Variants in LDHD observed in about 807,000 individuals in gnomAD.
LDHD encodes lactate dehydrogenase D.
A neutral mutation model predicts 52.9 loss-of-function variants in LDHD; 58 were observed. That is an observed-to-expected ratio of 1.10 (90% CI 0.89 to 1.36). The LOEUF is 1.36. Among genes scored for constraint, LDHD ranks in the 40% most tolerant of loss-of-function variants. The pLI is 0.00. For missense variants in LDHD, 747 were observed against 668.0 expected, an observed-to-expected ratio of 1.12 and a Z score of -1.30; for synonymous variants, 350 against 288.6, an observed-to-expected ratio of 1.21 and a Z score of -2.16.
Position 75,112,707 on chromosome 16 carries a change from A to C in LDHD, c.1184T>G (p.Ile395Ser). ...DLNASGLTGS[I>S]VGHVGDGNFH... is the part of the protein sequence containing the mutation. ...GTTGCCGTCACCCACATGCCCGACA[A>C]TGCTTCCTGGGGGCCCAGAGGACAG... Residue 395 changes from isoleucine (I) to serine (S), a missense_variant, in exon 10 of 11, where the codon ATT becomes AGT. By Grantham distance (142) the Ile-to-Ser change is moderately radical. Coordinates refer to ENST00000450168, the MANE Select transcript of LDHD (RefSeq NM_194436.3). The C allele has an allele frequency of 6.2e-7, 1 of 1,613,680 alleles. No homozygotes were observed. The highest frequency in any genetic ancestry group is 8.5e-7 in the Non-Finnish European group (1 of 1,179,732).
rs777321282 is a variant in LDHD at position 75,112,876 on chromosome 16, C to G, written c.1135G>C (p.Val379Leu). 1 of 1,613,366 alleles carries G rather than the reference C, an allele frequency of 6.2e-7. No homozygotes were observed. Among genetic ancestry groups the G allele is most frequent in the Non-Finnish European group, 8.5e-7 (1 of 1,179,966 alleles). The change falls in exon 9 of 11, where the codon GTG (valine) becomes CTG (leucine). Residue 379 changes from valine to leucine, a missense_variant. Coordinates refer to ENST00000450168, the MANE Select transcript of LDHD (RefSeq NM_194436.3). ...TTCAGATCCTCCTTGGTCTGCACCACGATCTCCGGCAGCCGGGAGATGGGC... is the reference window on the plus strand; with the variant it reads ...TTCAGATCCTCCTTGGTCTGCACCAGGATCTCCGGCAGCCGGGAGATGGGC... ...CVPISRLPEI[V>L]VQTKEDLNAS...
At chr16:75,112,956 G>A (rs972920505) in intron 8 of LDHD, 32 bp from the exon 9 acceptor site, 3 of 1,530,980 alleles carry the variant, frequency 2.0e-6, no homozygotes, top group Non-Finnish European at 2.7e-6. Flanking sequence ...AGTTACCCCT[G>A]CCTGATTGGG....
chr16:75,112,926 T>C lies in LDHD; in HGVS notation c.1087-2A>G. The C allele has an allele frequency of 6.2e-7, 1 of 1,609,114 alleles. No individual in the cohort carries two copies. The highest frequency in any genetic ancestry group is 8.5e-7 in the Non-Finnish European group (1 of 1,178,724). ...CACACACACATCCGTGGAGTAGCCC[T>C]GGTCAGAGGGAAGCCTATGAGTTAC... On this transcript the variant is annotated splice_acceptor_variant, in intron 8 of 10. Coordinates refer to ENST00000450168, the MANE Select transcript of LDHD (RefSeq NM_194436.3). LOFTEE classifies it high-confidence loss of function.
At chr16:75,113,128 C>T (rs2036446961) in intron 8 of LDHD, among the ~76,000 whole-genome samples, 1 of 152,166 alleles carries the variant, frequency 6.6e-6, no homozygotes. Context: ...GCTTGCCACA[C>T]CTCCCCTGTG....
rs775596639 is a variant in LDHD at position 75,115,248 on chromosome 16, T to C, written c.277A>G (p.Ile93Val). Residue 93 changes from isoleucine to valine, a missense_variant, in exon 3 of 11, where the codon ATC (isoleucine) becomes GTC (valine). Coordinates refer to ENST00000450168, the MANE Select transcript of LDHD (RefSeq NM_194436.3). ...ALCYRQGVPI[I>V]PFGTGTGLEG... ...AGCCCGGTGCCGGTGCCGAATGGGA[T>C]GATGGGCACACCTTGGCGATAGCAC... is the stretch of plus-strand genomic sequence containing the variant. 1 of 1,613,344 alleles carries C rather than the reference T, an allele frequency of 6.2e-7. No individual in the cohort carries two copies. The highest frequency in any genetic ancestry group is 8.5e-7 in the Non-Finnish European group (1 of 1,180,002).
At chr16:75,113,131 C>T (rs2036447038) in intron 8 of LDHD, among the ~76,000 whole-genome samples, 1 of 152,128 alleles carries the variant, frequency 6.6e-6, no homozygotes, top group South Asian at 2.1e-4. Flanking sequence ...TGCCACACCT[C>T]CCCTGTGGCT....
At chr16:75,114,289 G>A in intron 5 of LDHD, 124 bp from the exon 6 acceptor site, 3 of 1,534,332 alleles carry the variant, frequency 2.0e-6, no homozygotes, top group African/African-American at 1.4e-5. Flanking sequence ...CCTCCCTCGG[G>A]CCCAGTTTCC....
rs756630008 is a variant in LDHD, at chr16:75,116,597, C to T, written c.72+52G>A. On this transcript the variant is annotated intron_variant, in intron 1 of 10. Transcript: ENST00000450168. The stretch of plus-strand genomic sequence containing the variant: ...GGAAACTTGGGATCAGAACCCCCTG[C>T]TCCCCGCTCCCCACCTCATCCCTCC... 14 of 1,470,002 alleles carry T rather than the reference C, an allele frequency of 9.5e-6. No individual in the cohort carries two copies. The East Asian group carries it at 1.6e-4, about 17-fold the overall frequency. 91.1% of individuals were successfully genotyped at this position (1,470,002 alleles called of 1,614,324 possible).
In LDHD at chr16:75,112,609, G is replaced by A. The variant is rs767285234; in HGVS notation, c.1282C>T (p.Leu428=). 6.2e-7 allele frequency: 1 copy of A among 1,614,064 alleles called. No homozygotes were observed. Among genetic ancestry groups the A allele is most frequent in the Non-Finnish European group, 8.5e-7 (1 of 1,179,996 alleles). ...LGRVKAFAEQ[L]GRRALALHGT... ...CCCTGGCTTTGCTCCTACCTGCCCAGCTGTTCTGCAAAAGCCTTGACCCTG... is the reference window on the plus strand; with the variant it reads ...CCCTGGCTTTGCTCCTACCTGCCCAACTGTTCTGCAAAAGCCTTGACCCTG... Residue 428 remains leucine (L), a synonymous_variant, in exon 10 of 11, where the codon CTG becomes TTG. Coordinates refer to ENST00000450168, the MANE Select transcript of LDHD (RefSeq NM_194436.3).
chr16:75,113,954 T>G lies in LDHD; in HGVS notation c.829+12A>C, dbSNP rs1429287037. The stretch of plus-strand genomic sequence containing the variant: ...AGGGAGCCCACCCTGACTGCCCCCA[T>G]CCTCAGCTCACCAATGCGGGCTACG... On this transcript the variant is annotated intron_variant, in intron 6 of 10. Coordinates refer to ENST00000450168, the MANE Select transcript of LDHD (RefSeq NM_194436.3). The G allele has an allele frequency of 1.2e-6, 2 of 1,603,252 alleles. No homozygotes were observed. Among genetic ancestry groups the G allele is most frequent in the East Asian group, 4.5e-5 (2 of 44,694 alleles).
At position 75,112,095 on chromosome 16, in the gene LDHD, C is replaced by T; in HGVS notation, c.*261G>A. 2 of 463,252 alleles carry T rather than the reference C, an allele frequency of 4.3e-6. No individual in the cohort carries two copies. The highest frequency in any genetic ancestry group is 6.9e-5 in the East Asian group (2 of 29,180). The allele number at this position is 463,252 out of a possible 1,614,324, so 28.7% of individuals were successfully genotyped here. A position where few individuals can be genotyped will look rare whatever the true frequency, so the allele number is the denominator to read the frequency against. ...CCCGCCAGGACAGGATGCGTAGGAGCAGAGAGGAAGCAGCTTTGCTGGGAA... is the reference window on the plus strand; with the variant it reads ...CCCGCCAGGACAGGATGCGTAGGAGTAGAGAGGAAGCAGCTTTGCTGGGAA... On this transcript the variant is annotated 3_prime_UTR_variant, in exon 11 of 11. Coordinates refer to ENST00000450168, the MANE Select transcript of LDHD (RefSeq NM_194436.3).
rs1367385713 is a variant in LDHD, at chr16:75,116,472, G to C, written c.72+177C>G. 1.3e-5 allele frequency: 7 copies of C among 547,450 alleles called. No homozygotes were observed. In the East Asian group the frequency reaches 2.4e-4, roughly 19 times the overall value. 33.9% of individuals were successfully genotyped at this position (547,450 alleles called of 1,614,324 possible). ...CACTCATGGTAGCAGTGGGGACTCAGCTGATCTCACTCTACACCCACCCAC... is the reference window on the plus strand; with the variant it reads ...CACTCATGGTAGCAGTGGGGACTCACCTGATCTCACTCTACACCCACCCAC... On this transcript the variant is annotated intron_variant, in intron 1 of 10. Transcript: ENST00000450168.
Position 75,112,885 on chromosome 16 carries a change from G to A in LDHD, c.1126C>T (p.Pro376Ser), listed in dbSNP as rs773363177. 5.6e-6 allele frequency: 9 copies of A among 1,612,908 alleles called. No homozygotes were observed. The Admixed American group carries it at 1.5e-4, about 27-fold the overall frequency. Residue 376 changes from proline (P) to serine (S), a missense_variant, in exon 9 of 11, where the codon CCG becomes TCG. By Grantham distance (74) the Pro-to-Ser change is moderately conservative (BLOSUM62 -1). Transcript: ENST00000450168. ...TCCTTGGTCTGCACCACGATCTCCG[G>A]CAGCCGGGAGATGGGCACACACACA... ...TDVCVPISRL[P>S]EIVVQTKEDL...
chr16:75,115,736 A>C (rs947530074), intron 1 of LDHD, 76 bp from the exon 2 acceptor site: 14 of 941,738 alleles, frequency 1.5e-5, no homozygotes, highest in African/African-American at 3.3e-5. Flanking sequence ...TGTCGGGGGG[A>C]GGGCTGGGGG....
chr16:75,114,912 C>G lies in LDHD; in HGVS notation c.384G>C (p.Glu128Asp), dbSNP rs998980799. 1.2e-6 allele frequency: 2 copies of G among 1,614,064 alleles called. No homozygotes were observed. Among genetic ancestry groups the G allele is most frequent in the South Asian group, 1.1e-5 (1 of 91,084 alleles). ...HMDRILELNQ[E>D]DFSVVVEPGV... ...CTGGCTCCACCACCACAGAGAAGTC[C>G]TCCTGGTTCAGCTCCAGGATTCGGT... is the stretch of plus-strand genomic sequence containing the variant. Residue 128 changes from glutamate to aspartate, a missense_variant, in exon 4 of 11, where the codon GAG becomes GAC. Transcript: ENST00000450168.
chr16:75,116,755 T>A lies in LDHD; in HGVS notation c.-35A>T. ...CTGGCCAGAGGGTGTGAGCACTGGGTGGCAGGGTGACCAGTCAGCTACTGT... is the reference window on the plus strand; with the variant it reads ...CTGGCCAGAGGGTGTGAGCACTGGGAGGCAGGGTGACCAGTCAGCTACTGT... On this transcript the variant is annotated 5_prime_UTR_variant, in exon 1 of 11. Coordinates refer to ENST00000450168, the MANE Select transcript of LDHD (RefSeq NM_194436.3). 1 of 1,447,482 alleles carries A rather than the reference T, an allele frequency of 6.9e-7. No individual in the cohort carries two copies. The highest frequency in any genetic ancestry group is 9.4e-7 in the Non-Finnish European group (1 of 1,069,440). 89.7% of individuals were successfully genotyped at this position (1,447,482 alleles called of 1,614,324 possible). A position where few individuals can be genotyped will look rare whatever the true frequency, so the allele number is the denominator to read the frequency against.
rs201516987 is a variant in LDHD at position 75,112,664 on chromosome 16, C to G, written c.1227G>C (p.Leu409=). ...GTTCCTCGGCGTCATCAGGGTTGAC[C>G]AGCAGGATGCAGTGGAAGTTGCCGT... The part of the protein sequence containing the change: ...VGDGNFHCIL[L]VNPDDAEELG... Residue 409 remains leucine (L), a synonymous_variant, in exon 10 of 11, where the codon CTG becomes CTC. Coordinates refer to ENST00000450168, the MANE Select transcript of LDHD (RefSeq NM_194436.3). The G allele has an allele frequency of 4.0e-5, 64 of 1,614,140 alleles. 1 individual carries two copies. In the Admixed American group the frequency reaches 1.0e-3, roughly 26 times the overall value.
At chr16:75,112,984 G>T (rs1313411652) in intron 8 of LDHD, 60 bp from the exon 9 acceptor site, 10 of 1,313,422 alleles carry the variant, frequency 7.6e-6, no homozygotes, top group Non-Finnish European at 1.1e-5. Context: ...GGTCACCGTG[G>T]TCAAGGCTGA....
chr16:75,112,072 C>G lies in LDHD; in HGVS notation c.*284G>C, dbSNP rs1251891891. 5 of 405,036 alleles carry G rather than the reference C, an allele frequency of 1.2e-5. No homozygotes were observed. The highest frequency in any genetic ancestry group is 6.1e-5 in the African/African-American group (3 of 49,456). The allele number at this position is 405,036 out of a possible 1,614,324, so 25.1% of individuals were successfully genotyped here. ...TGAATGGACCCAGACGCTCTCTTCC[C>G]GCCAGGACAGGATGCGTAGGAGCAG... On this transcript the variant is annotated 3_prime_UTR_variant, in exon 11 of 11. Transcript: ENST00000450168.
Sources: allele counts gnomAD v4.1 joint callset (sites outside exome capture counted in the v4.1 genomes callset), GRCh38; gene constraint gnomAD v4.1.1; transcripts MANE v1.5; gene names NCBI Gene and HGNC (gene_info 2026-07-23, HGNC 2026-07-21).